Variants in TMEM163 observed in about 807,000 individuals in gnomAD.
TMEM163 encodes transmembrane protein 163.
TMEM163 carries 17 observed loss-of-function variants against 29.3 expected under a neutral mutation model. That is an observed-to-expected ratio of 0.58 (90% CI 0.40 to 0.87). TMEM163 has a LOEUF of 0.87. Ranked by LOEUF, TMEM163 falls within the 40% of genes least tolerant of loss-of-function variation. The probability of loss-of-function intolerance (pLI) is 0.00; values close to 1 mark genes in which losing one functional copy is unlikely to be tolerated. For missense variants in TMEM163, 303 were observed against 381.5 expected (o/e 0.79, Z 1.71); for synonymous variants, 157 against 160.6 (o/e 0.98, Z 0.17).
intron 5 of TMEM163, among the ~76,000 whole-genome samples, chr2:134,472,689 A>T (rs1246723305): frequency 6.6e-6 from 1 of 152,262 alleles, no homozygotes; most frequent in African/African-American, 2.4e-5. Context: ...TAACTGATAG[A>T]ACAAACTAAC....
At position 134,606,746 on chromosome 2, in the gene TMEM163, A is replaced by T. The variant is rs115453603; in HGVS notation, c.323-54655T>A. On this transcript the variant is annotated intron_variant, in intron 2 of 7. Transcript: ENST00000281924. The stretch of plus-strand genomic sequence containing the variant: ...AAGCAAACGGCACACAGTGTCCATC[A>T]GGAAAGGGTGGCCACAGCACTGAAT... Among the ~76,000 whole-genome samples the T allele has an allele frequency of 2.7e-3, 410 of 152,348 alleles. 2 individuals carry two copies. The highest frequency in any genetic ancestry group is 9.0e-3 in the African/African-American group (375 of 41,572).
chr2:134,634,913 G>T (rs1683070743), intron 2 of TMEM163, among the ~76,000 whole-genome samples: 1 of 152,260 alleles, frequency 6.6e-6, no homozygotes, highest in African/African-American at 2.4e-5. Context: ...TAGAATAGTT[G>T]CTAAGTTTAG....
At chr2:134,703,917 T>C (rs186299818) in intron 2 of TMEM163, among the ~76,000 whole-genome samples, 13 of 152,200 alleles carry the variant, frequency 8.5e-5, no homozygotes. Flanking sequence ...AGCATTTGTA[T>C]ATTTGATTCC....
chr2:134,508,443 A>T (rs1679875287), intron 4 of TMEM163, among the ~76,000 whole-genome samples: 1 of 152,236 alleles, frequency 6.6e-6, no homozygotes, highest in South Asian at 2.1e-4. Flanking sequence ...CACGGTACTT[A>T]TGACTGCACA....
intron 2 of TMEM163, among the ~76,000 whole-genome samples, chr2:134,631,075 G>C (rs1223423162): frequency 6.6e-6 from 1 of 152,060 alleles, no homozygotes; most frequent in Non-Finnish European, 1.5e-5. Flanking sequence ...AACCTAAAAG[G>C]AATGAATTAA....
At chr2:134,472,735 T>C (rs1186511017) in intron 5 of TMEM163, among the ~76,000 whole-genome samples, 1 of 152,330 alleles carries the variant, frequency 6.6e-6, no homozygotes, top group South Asian at 2.1e-4. Flanking sequence ...AACAACATGA[T>C]CAACCAGCTT....
chr2:134,499,696 G>T (rs1679658477), intron 5 of TMEM163, among the ~76,000 whole-genome samples: 1 of 152,220 alleles, frequency 6.6e-6, no homozygotes, highest in South Asian at 2.1e-4. Context: ...GCTGCCAAGG[G>T]ACAGGGCTGG....
intron 4 of TMEM163, among the ~76,000 whole-genome samples, chr2:134,526,262 A>G (rs13020595): frequency 0.19 from 29,678 of 152,230 alleles, 3,499 homozygotes; most frequent in Middle Eastern, 0.36. Flanking sequence ...GGGAGCGTAC[A>G]CTTCAGGACA....
chr2:134,616,306 A>T (rs927644969), intron 2 of TMEM163, among the ~76,000 whole-genome samples: 18 of 152,210 alleles, frequency 1.2e-4, no homozygotes. Flanking sequence ...CTTCTTCACC[A>T]TGGCAATTCT....
chr2:134,583,192 T>G (rs959305800), intron 2 of TMEM163, among the ~76,000 whole-genome samples: 1 of 152,210 alleles, frequency 6.6e-6, no homozygotes, highest in African/African-American at 2.4e-5. Flanking sequence ...CATCCCACGC[T>G]GGCAAGCCAC....
chr2:134,588,631 G>A (rs972954795), intron 2 of TMEM163, among the ~76,000 whole-genome samples: 9 of 152,140 alleles, frequency 5.9e-5, no homozygotes, highest in Admixed American at 5.2e-4. Context: ...TTAGATGCCT[G>A]CTCTATACAA....
chr2:134,712,623 C>T (rs997625958), intron 2 of TMEM163, among the ~76,000 whole-genome samples: 3 of 152,198 alleles, frequency 2.0e-5, no homozygotes, highest in African/African-American at 7.2e-5. Flanking sequence ...CATCAGCCTT[C>T]CTAACCCCCA....
At chr2:134,651,529 G>A (rs1404878588) in intron 2 of TMEM163, among the ~76,000 whole-genome samples, 1 of 121,116 alleles carries the variant, frequency 8.3e-6, no homozygotes, top group Non-Finnish European at 1.6e-5. Context: ...CTTTTGCTGT[G>A]CAGAAGCTCT....
intron 2 of TMEM163, among the ~76,000 whole-genome samples, chr2:134,646,421 A>G (rs1180712142): frequency 6.6e-6 from 1 of 151,262 alleles, no homozygotes; most frequent in Admixed American, 6.6e-5. Flanking sequence ...GCTTCTTTTC[A>G]GCTTCAACCC....
rs112531367 is a variant in TMEM163 at position 134,516,852 on chromosome 2, G to A, written c.459-13855C>T. ...GGAGAAGAGGCCAAACTCTGTCTACGGCCAAGGACCGCAAGACTAAAATGC... is the reference window on the plus strand; with the variant it reads ...GGAGAAGAGGCCAAACTCTGTCTACAGCCAAGGACCGCAAGACTAAAATGC... On this transcript the variant is annotated intron_variant, in intron 4 of 7. Coordinates refer to ENST00000281924, the MANE Select transcript of TMEM163 (RefSeq NM_030923.5). Among the ~76,000 whole-genome samples the A allele has an allele frequency of 2.0e-3, 298 of 149,792 alleles. 4 individuals are homozygous for A. Among genetic ancestry groups the A allele is most frequent in the African/African-American group, 6.8e-3 (275 of 40,620 alleles).
chr2:134,680,300 T>C (rs1354133884), intron 2 of TMEM163, among the ~76,000 whole-genome samples: 1 of 151,472 alleles, frequency 6.6e-6, no homozygotes, highest in Non-Finnish European at 1.5e-5. Flanking sequence ...AAGGGATAGA[T>C]AAAAGGATTA....
At chr2:134,713,342 G>T in intron 1 of TMEM163, 23 bp from the exon 2 acceptor site, 1 of 1,612,222 alleles carries the variant, frequency 6.2e-7, no homozygotes, top group Non-Finnish European at 8.5e-7. Context: ...AGGAGAAAGG[G>T]AAGTTAGACA....
chr2:134,530,619 G>C (rs1680397229), intron 4 of TMEM163, among the ~76,000 whole-genome samples: 1 of 152,054 alleles, frequency 6.6e-6, no homozygotes, highest in Non-Finnish European at 1.5e-5. Flanking sequence ...TTCAAAGAAG[G>C]CTTCCTCAAC....
intron 2 of TMEM163, among the ~76,000 whole-genome samples, chr2:134,604,415 C>CTAT (rs1218812295): frequency 3.4e-5 from 5 of 147,514 alleles, no homozygotes; most frequent in African/African-American, 1.3e-4. Flanking sequence ...AGAACTTGAG[C>CTAT]CATAACCTTA....
Sources: allele counts gnomAD v4.1 joint callset (sites outside exome capture counted in the v4.1 genomes callset), GRCh38; gene constraint gnomAD v4.1.1; transcripts MANE v1.5; gene names NCBI Gene and HGNC (gene_info 2026-07-23, HGNC 2026-07-21).